Variants in AK9 observed in about 807,000 individuals in gnomAD.
AK9 encodes adenylate kinase 9.
In AK9, 191 loss-of-function variants were observed where a neutral mutation model predicts 239.6. That is an observed-to-expected ratio of 0.80 (90% confidence interval 0.71 to 0.90). The LOEUF (loss-of-function observed/expected upper bound fraction) is 0.90, where lower values mean the gene tolerates loss of function less well. Ranked by LOEUF, AK9 falls within the 40% of genes least tolerant of loss-of-function variation. The pLI is 0.00. For missense variants in AK9, 1,995 were observed against 2,214.7 expected, an observed-to-expected ratio of 0.90 and a Z score of 1.99; for synonymous variants, 689 against 721.0, an observed-to-expected ratio of 0.96 and a Z score of 0.71.
chr6:109,582,794 A>T (rs1789013964), intron 19 of AK9, among the ~76,000 whole-genome samples: 1 of 152,176 alleles, frequency 6.6e-6, no homozygotes, highest in East Asian at 1.9e-4. Context: ...ACTACAGAAA[A>T]ATATTTTGGG....
chr6:109,521,545 C>G (rs1011151739), intron 29 of AK9, among the ~76,000 whole-genome samples: 1 of 152,006 alleles, frequency 6.6e-6, no homozygotes, highest in African/African-American at 2.4e-5. Context: ...ATTTATGTCC[C>G]TGTCCTATAA....
At chr6:109,669,559 C>G (rs1156916584) in intron 5 of AK9, among the ~76,000 whole-genome samples, 1 of 152,080 alleles carries the variant, frequency 6.6e-6, no homozygotes, top group Admixed American at 6.6e-5. Flanking sequence ...TTAGATACAT[C>G]CCATCTATAC....
rs750913689 is a variant in AK9, at chr6:109,499,109, A to G, written c.4981T>C (p.Ser1661Pro). Reference sequence around the variant, plus strand: ...CTGAACTCTGCTGCAAATTCCAAGGAGTCAGTTGCAGAGCAATCAAATAAT... The same window carrying G: ...CTGAACTCTGCTGCAAATTCCAAGGGGTCAGTTGCAGAGCAATCAAATAAT... Reference protein sequence around the residue: ...QELFDCSATDSLEFAAEFRGH... With the variant: ...QELFDCSATDPLEFAAEFRGH... The change falls in exon 36 of 41, where the codon TCC becomes CCC. Residue 1661 changes from serine to proline, a missense_variant. Coordinates refer to ENST00000424296, the MANE Select transcript of AK9 (RefSeq NM_001145128.3). The G allele has an allele frequency of 3.7e-6, 6 of 1,607,186 alleles. No individual in the cohort carries two copies. In the African/African-American group the frequency reaches 6.7e-5, roughly 18 times the overall value.
chr6:109,529,174 C>A, intron 28 of AK9, 101 bp from the exon 29 acceptor site: 2 of 1,311,130 alleles, frequency 1.5e-6, no homozygotes, highest in Non-Finnish European at 2.0e-6. Context: ...AACGTTTGGG[C>A]AGAAGCACAG....
intron 32 of AK9, among the ~76,000 whole-genome samples, chr6:109,509,969 C>T (rs1778520487): frequency 1.3e-5 from 2 of 152,148 alleles, no homozygotes; most frequent in Admixed American, 1.3e-4. Context: ...TGCCTGGCCT[C>T]TCTCTGCTCC....
chr6:109,681,045 G>A (rs1644580825), intron 1 of AK9, among the ~76,000 whole-genome samples: 1 of 152,000 alleles, frequency 6.6e-6, no homozygotes, highest in Admixed American at 6.6e-5. Context: ...TCAACTAATG[G>A]GCAAAACAGC....
rs566694076 is a variant in AK9, at chr6:109,537,680, C to G, written c.3351-4210G>C. Reference sequence around the variant, plus strand: ...TGTGTTTGCTCTTGCTTCTCTAGTTCTTTAAATTGTGATGATAGGGTGTCA... The same window carrying G: ...TGTGTTTGCTCTTGCTTCTCTAGTTGTTTAAATTGTGATGATAGGGTGTCA... On this transcript the variant is annotated intron_variant, in intron 27 of 40. Coordinates refer to ENST00000424296, the MANE Select transcript of AK9 (RefSeq NM_001145128.3). Among the ~76,000 whole-genome samples, 39 of 151,984 alleles carry G rather than the reference C, an allele frequency of 2.6e-4. No homozygotes were observed. The South Asian group carries it at 7.9e-3, about 31-fold the overall frequency.
chr6:109,614,551 G>A (rs928158965), intron 13 of AK9, 71 bp from the exon 14 acceptor site: 4 of 1,255,336 alleles, frequency 3.2e-6, no homozygotes, highest in African/African-American at 1.5e-5. Context: ...GTGACCAAAA[G>A]CCCCTGCTTC....
chr6:109,608,533 A>G (rs796182752), intron 17 of AK9, among the ~76,000 whole-genome samples: 2 of 152,074 alleles, frequency 1.3e-5, no homozygotes, highest in South Asian at 2.1e-4. Flanking sequence ...TTTTATATGT[A>G]TATTGGCCAT....
At chr6:109,539,711 GT>G (rs1782582202) in intron 27 of AK9, among the ~76,000 whole-genome samples, 1 of 152,278 alleles carries the variant, frequency 6.6e-6, no homozygotes, top group African/African-American at 2.4e-5. Context: ...TTTCTGCTCT[GT>G]TTTTTCCCCA....
intron 17 of AK9, among the ~76,000 whole-genome samples, chr6:109,603,862 C>G (rs1281345039): frequency 2.0e-5 from 3 of 152,180 alleles, no homozygotes; most frequent in African/African-American, 7.2e-5. Flanking sequence ...GGCGTGGGAC[C>G]CTCCGAGCCA....
At chr6:109,630,082 G>T (rs1795961079) in intron 12 of AK9, among the ~76,000 whole-genome samples, 1 of 152,066 alleles carries the variant, frequency 6.6e-6, no homozygotes, top group Admixed American at 6.5e-5. Flanking sequence ...AAAGTAATAT[G>T]TCAGGCATTA....
At chr6:109,512,697 C>G (rs1476266898) in intron 32 of AK9, among the ~76,000 whole-genome samples, 1 of 151,572 alleles carries the variant, frequency 6.6e-6, no homozygotes, top group African/African-American at 2.4e-5. Context: ...CCTTTCCATT[C>G]TGTTCTCATT....
chr6:109,621,893 TAAAAAA>T (rs59405869), intron 12 of AK9, among the ~76,000 whole-genome samples: 1 of 55,534 alleles, frequency 1.8e-5, no homozygotes, highest in Non-Finnish European at 3.2e-5. Context: ...AAAGTATAAT[TAAAAAA>T]AAAAAAAAAA....
chr6:109,678,500 C>T (rs1214026203), intron 1 of AK9, among the ~76,000 whole-genome samples: 1 of 152,140 alleles, frequency 6.6e-6, no homozygotes, highest in Admixed American at 6.5e-5. Flanking sequence ...AATGTCAATA[C>T]TATAGTTTTG....
intron 33 of AK9, among the ~76,000 whole-genome samples, chr6:109,507,890 T>A (rs1413366432): frequency 6.6e-6 from 1 of 152,242 alleles, no homozygotes; most frequent in African/African-American, 2.4e-5. Context: ...CAACCACTCA[T>A]AGACTGCTAA....
At chr6:109,545,811 C>G (rs963607028) in intron 26 of AK9, 56 bp downstream of exon 26, 9 of 1,537,564 alleles carry the variant, frequency 5.9e-6, no homozygotes, top group African/African-American at 4.2e-5. Flanking sequence ...TCAAAAACAA[C>G]AACAATAACA....
At chr6:109,595,233 C>T (rs1379611004) in intron 17 of AK9, among the ~76,000 whole-genome samples, 3 of 152,102 alleles carry the variant, frequency 2.0e-5, no homozygotes, top group Admixed American at 6.6e-5. Context: ...GACATTTATG[C>T]GGCCAACAAA....
intron 20 of AK9, among the ~76,000 whole-genome samples, chr6:109,575,749 T>G (rs970367965): frequency 6.6e-6 from 1 of 152,196 alleles, no homozygotes; most frequent in Non-Finnish European, 1.5e-5. Context: ...TAAGCCAATG[T>G]CTATAATAGT....
Sources: allele counts gnomAD v4.1 joint callset (sites outside exome capture counted in the v4.1 genomes callset), GRCh38; gene constraint gnomAD v4.1.1; transcripts MANE v1.5; gene names NCBI Gene and HGNC (gene_info 2026-07-23, HGNC 2026-07-21).